The following NOS1AP variants were observed in gnomAD, a reference collection of about 807,000 sequenced individuals.
The protein encoded by NOS1AP is carboxyl-terminal PDZ ligand of neuronal nitric oxide synthase protein.
NOS1AP carries 21 observed loss-of-function variants against 56.2 expected under a neutral mutation model. That is an observed-to-expected ratio of 0.37 (90% CI 0.26 to 0.54). NOS1AP has a LOEUF of 0.54. Among genes scored for constraint, NOS1AP ranks in the 20% least tolerant of loss-of-function variants. NOS1AP has a pLI of 0.84. For synonymous variants in NOS1AP, 270 were observed against 274.6 expected (o/e 0.98, Z 0.17); for missense variants, 522 against 657.8 (o/e 0.79, Z 2.26).
rs551119167 is a variant in NOS1AP at position 162,163,617 on chromosome 1, G to A, written c.177+9141G>A. ...AGATGTGAATGGAAAGAGGGAGTGA[G>A]CCGTGTGGGTATCTGGAGGAAATGT... On this transcript the variant is annotated intron_variant, in intron 2 of 9. Coordinates refer to ENST00000361897, the MANE Select transcript of NOS1AP (RefSeq NM_014697.3). 1.3e-4 allele frequency among the ~76,000 whole-genome samples: 20 copies of A among 152,228 alleles called. No homozygotes were observed. In the East Asian group the frequency reaches 2.5e-3, roughly 19 times the overall value.
At chr1:162,089,729 A>G (rs1692086553) in intron 1 of NOS1AP, among the ~76,000 whole-genome samples, 1 of 152,180 alleles carries the variant, frequency 6.6e-6, no homozygotes. Flanking sequence ...ACAGAGGCAG[A>G]TATTGGAGTG....
chr1:162,281,213 T>A (rs1654915154), intron 2 of NOS1AP, among the ~76,000 whole-genome samples: 1 of 152,236 alleles, frequency 6.6e-6, no homozygotes, highest in Admixed American at 6.5e-5. Flanking sequence ...TAAGGAAGAT[T>A]AGTTCTTAAA....
intron 4 of NOS1AP, among the ~76,000 whole-genome samples, chr1:162,322,118 G>C (rs1321634409): frequency 1.3e-5 from 2 of 152,228 alleles, no homozygotes; most frequent in African/African-American, 2.4e-5. Context: ...TTGTGATTGA[G>C]AGTGAGTTGT....
chr1:162,144,465 C>T (rs1488420769), intron 1 of NOS1AP, among the ~76,000 whole-genome samples: 1 of 152,188 alleles, frequency 6.6e-6, no homozygotes, highest in Non-Finnish European at 1.5e-5. Flanking sequence ...TTCTGGTGTT[C>T]TTTGTTCACC....
chr1:162,188,804 A>G lies in NOS1AP; in HGVS notation c.177+34328A>G, dbSNP rs1052981039. Among the ~76,000 whole-genome samples, 2 of 152,244 alleles carry G rather than the reference A, an allele frequency of 1.3e-5. No homozygotes were observed. The highest frequency in any genetic ancestry group is 4.8e-5 in the African/African-American group (2 of 41,466). The stretch of plus-strand genomic sequence containing the variant: ...CACGGTGGCTCACGCCTGTAATCCC[A>G]GCACTTTCGGAGGCCGAGGCGGGCG... On this transcript the variant is annotated intron_variant, in intron 2 of 9. Coordinates refer to ENST00000361897, the MANE Select transcript of NOS1AP (RefSeq NM_014697.3). This position sits in a 1 kb window ranked among gnomAD's most constrained non-coding sequence, Gnocchi z 4.0.
intron 4 of NOS1AP, among the ~76,000 whole-genome samples, chr1:162,329,396 AAGG>A (rs2101791119): frequency 6.6e-6 from 1 of 151,998 alleles, no homozygotes; most frequent in African/African-American, 2.4e-5. Context: ...AAGAAATTTA[AAGG>A]AGAAGAAATT....
At chr1:162,133,606 A>T (rs1428853815) in intron 1 of NOS1AP, among the ~76,000 whole-genome samples, 2 of 152,170 alleles carry the variant, frequency 1.3e-5, no homozygotes, top group Non-Finnish European at 2.9e-5. Context: ...GAATCTGTTC[A>T]ATTTTGGCTT....
chr1:162,115,390 G>A (rs1647901730), intron 1 of NOS1AP, among the ~76,000 whole-genome samples: 1 of 151,474 alleles, frequency 6.6e-6, no homozygotes, highest in African/African-American at 2.4e-5. Context: ...TGAGCCTCAG[G>A]TGCTCTGTTT....
intron 7 of NOS1AP, 128 bp from the exon 8 acceptor site, chr1:162,356,832 T>C: frequency 6.3e-7 from 1 of 1,592,294 alleles, no homozygotes; most frequent in South Asian, 1.1e-5. Context: ...CCATTGAAGA[T>C]ATAGTGCTGT....
intron 1 of NOS1AP, among the ~76,000 whole-genome samples, chr1:162,116,345 G>A (rs991085109): frequency 1.3e-5 from 2 of 152,242 alleles, no homozygotes; most frequent in Non-Finnish European, 2.9e-5. Flanking sequence ...GTAAATTTGC[G>A]TGGACAGCTA....
intron 1 of NOS1AP, among the ~76,000 whole-genome samples, chr1:162,146,621 G>A (rs1571062229): frequency 6.6e-6 from 1 of 152,278 alleles, no homozygotes. Flanking sequence ...CTCACCAAGA[G>A]CAGTTCCCTT....
chr1:162,167,137 G>T (rs1361836206), intron 2 of NOS1AP, among the ~76,000 whole-genome samples: 1 of 152,150 alleles, frequency 6.6e-6, no homozygotes, highest in South Asian at 2.1e-4. Flanking sequence ...GCATTTAACC[G>T]CACGAAGGTT....
chr1:162,355,404 T>A (rs1378563565), intron 7 of NOS1AP, 51 bp downstream of exon 7: 1 of 1,609,196 alleles, frequency 6.2e-7, no homozygotes, highest in East Asian at 2.2e-5. Flanking sequence ...TGCCCTCAGG[T>A]CATCAGTCAC....
intron 2 of NOS1AP, among the ~76,000 whole-genome samples, chr1:162,251,593 AAT>A (rs954815269): frequency 3.4e-4 from 40 of 119,324 alleles, no homozygotes; most frequent in African/African-American, 8.4e-4. Flanking sequence ...GTTTATTTAA[AAT>A]ATATATATGT....
chr1:162,070,323 T>TG (rs758556561), intron 1 of NOS1AP, 41 bp downstream of exon 1: 56 of 1,530,154 alleles, frequency 3.7e-5, no homozygotes, highest in Non-Finnish European at 3.2e-5. Flanking sequence ...TGGTGGCGGT[T>TG]GGGGGGGCAT....
chr1:162,194,075 A>G lies in NOS1AP; in HGVS notation c.177+39599A>G, dbSNP rs768182688. ...ACACACTCTGCTTGCAGAGCTCCCC[A>G]TGCATAGCCTTAAATAAATATCCCA... On this transcript the variant is annotated intron_variant, in intron 2 of 9. Transcript: ENST00000361897. Among the ~76,000 whole-genome samples the G allele has an allele frequency of 9.2e-5, 14 of 152,134 alleles. 1 individual carries two copies. The highest frequency in any genetic ancestry group is 3.4e-4 in the African/African-American group (14 of 41,508).
chr1:162,288,915 AGTG>A (rs1655171552), intron 3 of NOS1AP, among the ~76,000 whole-genome samples: 1 of 152,198 alleles, frequency 6.6e-6, no homozygotes, highest in Non-Finnish European at 1.5e-5. Flanking sequence ...GTATGTACAG[AGTG>A]GACAGTCACG....
At chr1:162,156,725 G>A (rs1338257503) in intron 2 of NOS1AP, among the ~76,000 whole-genome samples, 2 of 151,998 alleles carry the variant, frequency 1.3e-5, no homozygotes, top group Non-Finnish European at 2.9e-5. Flanking sequence ...TATGTGCCAG[G>A]TGCTTTGTTA....
At chr1:162,239,113 A>G (rs188524426) in intron 2 of NOS1AP, among the ~76,000 whole-genome samples, 8 of 152,376 alleles carry the variant, frequency 5.3e-5, no homozygotes, top group Admixed American at 5.2e-4. Context: ...CTTTGCCTTA[A>G]CATCTGTTTT....
Sources: allele counts gnomAD v4.1 joint callset (sites outside exome capture counted in the v4.1 genomes callset), GRCh38; gene constraint gnomAD v4.1.1; non-coding constraint Gnocchi (gnomAD v3.1); transcripts MANE v1.5; gene names NCBI Gene and HGNC (gene_info 2026-07-23, HGNC 2026-07-21).